OASL: variants seen among roughly 807,000 people sequenced by gnomAD.
The protein encoded by OASL is 2'-5'-oligoadenylate synthetase like.
In OASL, 28 loss-of-function variants were observed where a neutral mutation model predicts 35.3. The ratio of observed to expected loss-of-function variants is 0.79; its 90% CI spans 0.59 to 1.09. OASL has a LOEUF of 1.09. OASL is among the 50% of genes least tolerant of loss of function. The pLI is 0.00. For synonymous variants in OASL, 252 were observed against 254.6 expected, an observed-to-expected ratio of 0.99 and a Z score of 0.10; for missense variants, 620 against 635.2, an observed-to-expected ratio of 0.98 and a Z score of 0.26.
chr12:121,024,706 A>C (rs2135904117), intron 4 of OASL, among the ~76,000 whole-genome samples: 1 of 152,132 alleles, frequency 6.6e-6, no homozygotes. Context: ...GGCATGCTGG[A>C]GTAATAACAG....
Position 121,021,706 on chromosome 12 carries a change from A to T in OASL, c.1048-648T>A, listed in dbSNP as rs890614741. On this transcript the variant is annotated intron_variant, in intron 5 of 5. Transcript: ENST00000257570. ...TATGCCTGTAGTCCCAGCTACTCGG[A>T]AGGCTGAAGTGGGAGAATCTCTTGA... Among the ~76,000 whole-genome samples, 17 of 152,106 alleles carry T rather than the reference A, an allele frequency of 1.1e-4. 1 individual carries two copies. Among genetic ancestry groups the T allele is most frequent in the Non-Finnish European group, 2.1e-4 (14 of 68,030 alleles).
intron 3 of OASL, among the ~76,000 whole-genome samples, chr12:121,030,783 T>C (rs938841057): frequency 1.3e-5 from 2 of 152,132 alleles, no homozygotes. Flanking sequence ...CTGTGACGAA[T>C]GGCCACAGTA....
rs189679788 is a variant in OASL at position 121,039,014 on chromosome 12, G to A, written c.-43C>T. ...CGCTGCTGGGCAGATATATAGCCAG[G>A]CTCCTACCCAGCTCCCTGGCACACA... On this transcript the variant is annotated 5_prime_UTR_variant, in exon 1 of 6. Transcript: ENST00000257570. 3 of 1,556,182 alleles carry A rather than the reference G, an allele frequency of 1.9e-6. No individual in the cohort carries two copies. The East Asian group carries it at 6.8e-5, about 35-fold the overall frequency.
At chr12:121,036,590 C>A (rs1869965903) in intron 1 of OASL, among the ~76,000 whole-genome samples, 1 of 152,058 alleles carries the variant, frequency 6.6e-6, no homozygotes, top group African/African-American at 2.4e-5. Flanking sequence ...TCGAGACCAG[C>A]CTGGCCAACA....
intron 3 of OASL, 22 bp from the exon 4 acceptor site, chr12:121,027,839 CAGAG>C (rs148081048): frequency 2.5e-6 from 4 of 1,595,292 alleles, no homozygotes; most frequent in African/African-American, 1.3e-5. Context: ...GATGGGAAGA[CAGAG>C]AGAGAGAGAC....
At chr12:121,033,339 T>C (rs1869817751) in intron 2 of OASL, 122 bp downstream of exon 2, 1 of 983,522 alleles carries the variant, frequency 1.0e-6, no homozygotes, top group East Asian at 2.5e-5. Context: ...GCCCCAAGCA[T>C]AGGACACAGA....
At chr12:121,026,654 C>A (rs537669449) in intron 4 of OASL, among the ~76,000 whole-genome samples, 2 of 152,248 alleles carry the variant, frequency 1.3e-5, no homozygotes, top group South Asian at 4.1e-4. Flanking sequence ...GAGTTTGAGA[C>A]CAGCCTGGCC....
chr12:121,018,517 T>C (rs528491415), downstream of OASL, among the ~76,000 whole-genome samples: 1 of 151,898 alleles, frequency 6.6e-6, no homozygotes, highest in African/African-American at 2.4e-5. Flanking sequence ...CCACGGAGAA[T>C]CTTTCAATTA....
chr12:121,019,161 T>G (rs1387822477), exon 6 of OASL: 1 of 152,154 alleles, frequency 6.6e-6, no homozygotes, highest in Admixed American at 6.5e-5. Context: ...TCCCACCACC[T>G]ACAATGTGGG....
intron 5 of OASL, 145 bp downstream of exon 5, chr12:121,023,845 G>C: frequency 2.3e-6 from 2 of 865,972 alleles, no homozygotes; most frequent in Non-Finnish European, 3.4e-6. Context: ...CAAGTTCACG[G>C]AGCCCATGGG....
At chr12:121,036,318 T>C (rs1055426579) in intron 1 of OASL, among the ~76,000 whole-genome samples, 6 of 152,190 alleles carry the variant, frequency 3.9e-5, no homozygotes, top group Admixed American at 3.9e-4. Context: ...CTCCGCTCAC[T>C]AGATTTTCAG....
chr12:121,021,999 T>C (rs75834561), intron 5 of OASL, among the ~76,000 whole-genome samples: 2,959 of 150,148 alleles, frequency 0.02, 39 homozygotes, highest in South Asian at 0.075. Flanking sequence ...CGCCTTGACC[T>C]CCCAAGCTGA....
chr12:121,021,004 G>A (rs1226572771), exon 6 of OASL: 1 of 1,612,362 alleles, frequency 6.2e-7, no homozygotes, highest in African/African-American at 1.3e-5. Context: ...TTCACGATGA[G>A]GTTGAAATCT....
At chr12:121,024,275 C>T in intron 4 of OASL, 138 bp from the exon 5 acceptor site, 1 of 833,196 alleles carries the variant, frequency 1.2e-6, no homozygotes. Flanking sequence ...AAGAGGGCCC[C>T]AAAACACCGC....
chr12:121,036,608 A>AC (rs1490494330), intron 1 of OASL, among the ~76,000 whole-genome samples: 1 of 152,102 alleles, frequency 6.6e-6, no homozygotes, highest in Admixed American at 6.6e-5. Context: ...ACATGATGGA[A>AC]CCCCGTCTCT....
intron 2 of OASL, 65 bp downstream of exon 2, chr12:121,033,396 G>A (rs1476859172): frequency 1.3e-6 from 2 of 1,532,354 alleles, no homozygotes; most frequent in Non-Finnish European, 1.8e-6. Flanking sequence ...GAGTAAAGGT[G>A]AGACACTGGG....
exon 2 of OASL, chr12:121,033,731 C>G: frequency 6.2e-7 from 1 of 1,612,634 alleles, no homozygotes; most frequent in Non-Finnish European, 8.5e-7. Flanking sequence ...GTGCCATTCC[C>G]GAAGGAGCCC....
exon 3 of OASL, chr12:121,031,521 T>A: frequency 6.2e-7 from 1 of 1,614,100 alleles, no homozygotes; most frequent in Non-Finnish European, 8.5e-7. Flanking sequence ...TCTCTGCAGC[T>A]CGCTGAAGGA....
intron 3 of OASL, among the ~76,000 whole-genome samples, chr12:121,029,515 C>T (rs371078430): frequency 5.3e-5 from 8 of 152,078 alleles, no homozygotes; most frequent in South Asian, 2.1e-4. Flanking sequence ...GGTGAAACCC[C>T]GTCTCTACTA....
Sources: gnomAD v4.1 joint callset for allele counts (sites outside exome capture counted in the v4.1 genomes callset) on GRCh38, gnomAD v4.1.1 for gene constraint, MANE v1.5 for transcripts, NCBI Gene and HGNC (gene_info 2026-07-23, HGNC 2026-07-21) for gene names.